Variants in CREBL2 observed in about 807,000 individuals in gnomAD.
The protein encoded by CREBL2 is cAMP-responsive element-binding protein-like 2.
Under a neutral mutation model 19.5 loss-of-function variants are expected in CREBL2, and 4 were observed. The observed-to-expected ratio is 0.20, with a 90% CI of 0.10 to 0.47. CREBL2 has a LOEUF of 0.47. Among genes scored for constraint, CREBL2 ranks in the 20% least tolerant of loss-of-function variants. The pLI, the probability that CREBL2 is intolerant of heterozygous loss-of-function variation, is 0.98. For synonymous variants in CREBL2, 42 were observed against 46.6 expected (o/e 0.90, Z 0.40); for missense variants, 85 against 145.1 (o/e 0.59, Z 2.13).
intron 1 of CREBL2, among the ~76,000 whole-genome samples, chr12:12,621,850 T>C (rs970707977): frequency 1.3e-4 from 20 of 152,136 alleles, no homozygotes; most frequent in African/African-American, 4.6e-4. Flanking sequence ...TGGGGAGCCA[T>C]TGAAGGGTTT....
At chr12:12,641,253 A>ATTATTAT (rs1478394376) in intron 3 of CREBL2, among the ~76,000 whole-genome samples, 3 of 78,242 alleles carry the variant, frequency 3.8e-5, no homozygotes, top group Non-Finnish European at 5.0e-5. Flanking sequence ...TATTATTATT[A>ATTATTAT]TTTTTTTTTA....
rs1337529543 is a variant in CREBL2, at chr12:12,637,714, T to C, written c.358T>C (p.Trp120Arg). Residue 120 changes from tryptophan to arginine, a missense_variant and splice_region_variant, in exon 3 of 4, where the codon TGG (tryptophan) becomes CGG (arginine). This residue lies in a region of CREBL2 where 42 missense variants were observed against 38.4 expected (regional missense o/e 1.09). Coordinates refer to ENST00000228865, the MANE Select transcript of CREBL2 (RefSeq NM_001310.4). ...GAAGACAGATGCTAATAGCAATTCCTGTAAGTGCCATCAATGGGAGAATTT... is the reference window on the plus strand; with the variant it reads ...GAAGACAGATGCTAATAGCAATTCCCGTAAGTGCCATCAATGGGAGAATTT... Reference protein sequence around the residue: ...AGKTDANSNSW With the variant: ...AGKTDANSNSR The C allele has an allele frequency of 6.2e-7, 1 of 1,607,494 alleles. No individual in the cohort carries two copies. Among genetic ancestry groups the C allele is most frequent in the Non-Finnish European group, 8.5e-7 (1 of 1,177,762 alleles).
At chr12:12,622,517 C>G (rs1203556109) in intron 1 of CREBL2, among the ~76,000 whole-genome samples, 1 of 152,070 alleles carries the variant, frequency 6.6e-6, no homozygotes, top group Admixed American at 6.6e-5. Context: ...GAGGACTTAC[C>G]AGTTGTGGGG....
chr12:12,612,748 GTTAAC>G (rs1416498347), intron 1 of CREBL2, among the ~76,000 whole-genome samples: 1 of 152,064 alleles, frequency 6.6e-6, no homozygotes, highest in Non-Finnish European at 1.5e-5. Flanking sequence ...TTTTCCTCTT[GTTAAC>G]TTTAATAGCC....
At chr12:12,625,108 G>T (rs764220951) in intron 1 of CREBL2, among the ~76,000 whole-genome samples, 2 of 152,032 alleles carry the variant, frequency 1.3e-5, no homozygotes, top group Non-Finnish European at 1.5e-5. Context: ...ACAGGATGGG[G>T]TGGGGCAGGG....
At chr12:12,627,488 T>A (rs1324136743) in intron 1 of CREBL2, among the ~76,000 whole-genome samples, 1 of 152,238 alleles carries the variant, frequency 6.6e-6, no homozygotes, top group Non-Finnish European at 1.5e-5. Context: ...ATATGTGGCC[T>A]TTTGTATTTG....
chr12:12,629,351 C>T (rs1047364089), intron 1 of CREBL2, among the ~76,000 whole-genome samples: 4 of 151,946 alleles, frequency 2.6e-5, no homozygotes, highest in African/African-American at 9.7e-5. Context: ...AAATTTATTC[C>T]TGAGTATTGT....
chr12:12,614,181 C>T (rs1219039411), intron 1 of CREBL2, among the ~76,000 whole-genome samples: 1 of 151,714 alleles, frequency 6.6e-6, no homozygotes, highest in Non-Finnish European at 1.5e-5. Context: ...TTCGTAGAGA[C>T]AGGGTTTCAC....
chr12:12,637,155 C>T (rs10772587), intron 2 of CREBL2, among the ~76,000 whole-genome samples: 135,593 of 152,060 alleles, frequency 0.89, 61,153 homozygotes, highest in Non-Finnish European at 0.96. Flanking sequence ...GTTTAATGAT[C>T]ACTTGTTAAA....
At chr12:12,619,173 A>C (rs1945341038) in intron 1 of CREBL2, among the ~76,000 whole-genome samples, 1 of 152,188 alleles carries the variant, frequency 6.6e-6, no homozygotes, top group Non-Finnish European at 1.5e-5. Flanking sequence ...TTTGCTCCAG[A>C]CTATGCTCCA....
intron 1 of CREBL2, among the ~76,000 whole-genome samples, chr12:12,624,251 A>G (rs752784794): frequency 3.9e-5 from 6 of 152,234 alleles, no homozygotes; most frequent in Non-Finnish European, 8.8e-5. Flanking sequence ...ATCAGGTATT[A>G]CTTTTTTACA....
rs1220917306 is a variant in CREBL2 at position 12,612,182 on chromosome 12, A to G, written c.10A>G (p.Ser4Gly). 2.5e-6 allele frequency: 4 copies of G among 1,613,508 alleles called. No homozygotes were observed. Among genetic ancestry groups the G allele is most frequent in the Admixed American group, 3.3e-5 (2 of 60,028 alleles). MDD[S>G]KVVGGKVKKP... is the part of the protein sequence containing the mutation. The stretch of plus-strand genomic sequence containing the variant: ...CGGCCTGTCTGCCGCGATGGATGAC[A>G]GTAAGGTAAGTCTTGTGGTTTGCAC... Residue 4 changes from serine to glycine, a missense_variant, in exon 1 of 4, where the codon AGT becomes GGT. Transcript: ENST00000228865.
In CREBL2 at chr12:12,642,122, C is replaced by T; in HGVS notation, c.*124C>T. 1.7e-6 allele frequency: 1 copy of T among 572,034 alleles called. No homozygotes were observed. 35.4% of individuals were successfully genotyped at this position (572,034 alleles called of 1,614,324 possible). ...CTGCTCAGTAGTCATCTCTGTAAAT[C>T]TGCAATTTCTACCAAAATGTGTGAT... is the stretch of plus-strand genomic sequence containing the variant. On this transcript the variant is annotated 3_prime_UTR_variant, in exon 4 of 4. Coordinates refer to ENST00000228865, the MANE Select transcript of CREBL2 (RefSeq NM_001310.4).
In CREBL2 at chr12:12,637,697, A is replaced by AT; in HGVS notation, c.342dup (p.Ala115CysfsTer2). The AT allele has an allele frequency of 6.2e-7, 1 of 1,611,996 alleles. No individual in the cohort carries two copies. Among genetic ancestry groups the AT allele is most frequent in the Non-Finnish European group, 8.5e-7 (1 of 1,179,274 alleles). ...AGGCATACCAAGGCTGGGAAGACAG[A>AT]TGCTAATAGCAATTCCTGTAAGTGC... On this transcript the variant is annotated frameshift_variant, in exon 3 of 4. Coordinates refer to ENST00000228865, the MANE Select transcript of CREBL2 (RefSeq NM_001310.4). LOFTEE classifies it high-confidence loss of function.
chr12:12,641,286 C>T (rs1234318704), intron 3 of CREBL2, among the ~76,000 whole-genome samples: 1 of 94,902 alleles, frequency 1.1e-5, no homozygotes, highest in African/African-American at 3.5e-5. Context: ...TTAGGTCAAC[C>T]TCTGGGAGCA....
intron 1 of CREBL2, among the ~76,000 whole-genome samples, chr12:12,632,103 A>G (rs1281417993): frequency 2.2e-5 from 2 of 91,520 alleles, no homozygotes; most frequent in African/African-American, 9.9e-5. Flanking sequence ...TTTGAGACGG[A>G]GTCTCGCTCT....
intron 1 of CREBL2, among the ~76,000 whole-genome samples, chr12:12,629,480 T>A (rs1945426715): frequency 6.6e-6 from 1 of 152,178 alleles, no homozygotes; most frequent in Non-Finnish European, 1.5e-5. Flanking sequence ...CCTGGACCCT[T>A]GCTCTACTCA....
intron 1 of CREBL2, among the ~76,000 whole-genome samples, chr12:12,619,190 A>G (rs1945341156): frequency 6.6e-6 from 1 of 152,176 alleles, no homozygotes; most frequent in South Asian, 2.1e-4. Flanking sequence ...TCCAGATGGG[A>G]CAGGGGCAGT....
In CREBL2 at chr12:12,635,375, A is replaced by G. The variant is rs546825910; in HGVS notation, c.16-402A>G. Among the ~76,000 whole-genome samples, 461 of 152,074 alleles carry G rather than the reference A, an allele frequency of 3.0e-3. 5 individuals carry two copies. The highest frequency in any genetic ancestry group is 0.01 in the African/African-American group (434 of 41,518). On this transcript the variant is annotated intron_variant, in intron 1 of 3. Coordinates refer to ENST00000228865, the MANE Select transcript of CREBL2 (RefSeq NM_001310.4). ...CAGAGTGAGACCCTGTCTGGAAAAAAAAAAAAAAAAAATTGTCATGAACAA... is the reference window on the plus strand; with the variant it reads ...CAGAGTGAGACCCTGTCTGGAAAAAGAAAAAAAAAAAATTGTCATGAACAA...
Sources: allele counts gnomAD v4.1 joint callset (sites outside exome capture counted in the v4.1 genomes callset), GRCh38; gene constraint gnomAD v4.1.1; regional missense constraint gnomAD v4.1.1; transcripts MANE v1.5; gene names NCBI Gene and HGNC (gene_info 2026-07-23, HGNC 2026-07-21).